SPMIP2: variants seen among roughly 807,000 people sequenced by gnomAD.
The protein encoded by SPMIP2 is protein SPMIP2.
At chr4:158,900,000 C>G in the SPMIP2 span, among the ~76,000 whole-genome samples, 1 of 152,172 alleles carries the variant, frequency 6.6e-6, no homozygotes, top group African/African-American at 2.4e-5. Flanking sequence ...ATAAATTTCC[C>G]TCTAAACACT....
chr4:158,929,037 A>C, the SPMIP2 span, among the ~76,000 whole-genome samples: 1 of 152,208 alleles, frequency 6.6e-6, no homozygotes, highest in African/African-American at 2.4e-5. Context: ...TCATTCTTGA[A>C]GTCAGTGAGA....
chr4:159,048,019 G>C, the SPMIP2 span, among the ~76,000 whole-genome samples: 1 of 152,226 alleles, frequency 6.6e-6, no homozygotes, highest in Non-Finnish European at 1.5e-5. Flanking sequence ...TGCTTACCGC[G>C]TGCTGGTGTG....
the SPMIP2 span, among the ~76,000 whole-genome samples, chr4:158,920,662 T>C: frequency 6.6e-6 from 1 of 152,174 alleles, no homozygotes; most frequent in African/African-American, 2.4e-5. Flanking sequence ...TTGAACCCTG[T>C]TTTCTATTGT....
the SPMIP2 span, among the ~76,000 whole-genome samples, chr4:159,053,407 CA>C: frequency 1.3e-5 from 2 of 152,260 alleles, no homozygotes; most frequent in Middle Eastern, 3.4e-3. Context: ...TATTGAGTTA[CA>C]AATGCACCTA....
the SPMIP2 span, among the ~76,000 whole-genome samples, chr4:158,987,526 G>A: frequency 5.9e-5 from 9 of 151,974 alleles, no homozygotes; most frequent in Non-Finnish European, 7.4e-5. Context: ...GTCAACTATC[G>A]CAAGGACAAA....
chr4:158,948,595 T>G, the SPMIP2 span, among the ~76,000 whole-genome samples: 19 of 152,044 alleles, frequency 1.2e-4, no homozygotes, highest in East Asian at 2.5e-3. Context: ...TGGTTTGTTT[T>G]TTTTTTTTTT....
At chr4:158,951,180 C>A in the SPMIP2 span, among the ~76,000 whole-genome samples, 2 of 152,184 alleles carry the variant, frequency 1.3e-5, no homozygotes, top group African/African-American at 4.8e-5. Flanking sequence ...TAGTGCCTAC[C>A]ACCTAGTACG....
chr4:159,048,316 T>C, the SPMIP2 span, among the ~76,000 whole-genome samples: 1 of 152,220 alleles, frequency 6.6e-6, no homozygotes, highest in Non-Finnish European at 1.5e-5. Context: ...CGCGCTGGAA[T>C]GCCTGGCAAG....
At chr4:158,921,276 TA>T in the SPMIP2 span, among the ~76,000 whole-genome samples, 1 of 152,086 alleles carries the variant, frequency 6.6e-6, no homozygotes, top group Non-Finnish European at 1.5e-5. Flanking sequence ...CCGTCTCTAC[TA>T]AAAATACAAA....
At chr4:159,068,556 T>A in the SPMIP2 span, among the ~76,000 whole-genome samples, 4 of 151,816 alleles carry the variant, frequency 2.6e-5, no homozygotes, top group African/African-American at 7.3e-5. Flanking sequence ...ATATACCTAA[T>A]GCTAAATGAC....
chr4:159,043,031 T>C, the SPMIP2 span, among the ~76,000 whole-genome samples: 2 of 152,206 alleles, frequency 1.3e-5, no homozygotes, highest in Non-Finnish European at 2.9e-5. Flanking sequence ...CAGGGCACCA[T>C]GCCATTCTTA....
the SPMIP2 span, among the ~76,000 whole-genome samples, chr4:158,979,649 G>A: frequency 6.6e-6 from 1 of 152,110 alleles, no homozygotes; most frequent in Non-Finnish European, 1.5e-5. Context: ...AGTGACCACT[G>A]GCCCATATAC....
chr4:159,023,669 C>T, the SPMIP2 span, among the ~76,000 whole-genome samples: 1 of 152,196 alleles, frequency 6.6e-6, no homozygotes, highest in African/African-American at 2.4e-5. Flanking sequence ...TCACAAAGAA[C>T]CCCAAAACAG....
the SPMIP2 span, among the ~76,000 whole-genome samples, chr4:159,075,786 C>A: frequency 7.2e-6 from 1 of 138,614 alleles, no homozygotes; most frequent in Non-Finnish European, 1.5e-5. Context: ...TAATTTGACT[C>A]ATCTTTTTTT....
chr4:158,945,396 T>C, the SPMIP2 span, among the ~76,000 whole-genome samples: 1 of 152,190 alleles, frequency 6.6e-6, no homozygotes, highest in East Asian at 1.9e-4. Context: ...GAAAGGACCA[T>C]GCTGCAAAAT....
the SPMIP2 span, among the ~76,000 whole-genome samples, chr4:158,972,547 AG>A: frequency 3.3e-5 from 5 of 152,338 alleles, no homozygotes; most frequent in Non-Finnish European, 7.3e-5. Context: ...CTTCTGTTTC[AG>A]GGGAGACACC....
the SPMIP2 span, among the ~76,000 whole-genome samples, chr4:158,936,608 G>A: frequency 6.6e-6 from 1 of 152,152 alleles, no homozygotes. Context: ...AAACCATTTG[G>A]CAGGATCTGT....
At chr4:158,914,044 T>C in the SPMIP2 span, among the ~76,000 whole-genome samples, 1 of 152,100 alleles carries the variant, frequency 6.6e-6, no homozygotes, top group Non-Finnish European at 1.5e-5. Context: ...AAATAAGAAG[T>C]CTTTTAACAG....
the SPMIP2 span, among the ~76,000 whole-genome samples, chr4:159,067,959 A>T: frequency 6.6e-6 from 1 of 152,222 alleles, no homozygotes; most frequent in African/African-American, 2.4e-5. Context: ...AACCACAATG[A>T]GATATCATCT....
Sources: gnomAD v4.1 joint callset for allele counts (sites outside exome capture counted in the v4.1 genomes callset) on GRCh38, gnomAD v4.1.1 for gene constraint, MANE v1.5 for transcripts, NCBI Gene and HGNC (gene_info 2026-07-23, HGNC 2026-07-21) for gene names.